ADAMTSL2: variants seen among roughly 807,000 people sequenced by gnomAD.
The protein encoded by ADAMTSL2 is ADAMTS-like protein 2.
ADAMTSL2 carries 55 observed loss-of-function variants against 117.0 expected under a neutral mutation model. That is an observed-to-expected ratio of 0.47 (90% CI 0.38 to 0.59). ADAMTSL2 has a LOEUF of 0.59. ADAMTSL2 is among the 20% of genes least tolerant of loss of function. The pLI is 0.00. For synonymous variants in ADAMTSL2, 572 were observed against 566.4 expected (o/e 1.01, Z -0.14); for missense variants, 1,182 against 1,354.5 (o/e 0.87, Z 2.00).
chr9:133,558,170 A>G lies in ADAMTSL2; in HGVS notation c.1649+2240A>G, dbSNP rs1432011012. ...TGTCAGGGGCCTCAAGGGTCGATCA[A>G]CTAGGCTGTCAGCACTCAGAAAGGC... On this transcript the variant is annotated intron_variant, in intron 11 of 18. Coordinates refer to ENST00000651351, the MANE Select transcript of ADAMTSL2 (RefSeq NM_014694.4). This position sits in a 1 kb window ranked among gnomAD's most constrained non-coding sequence, Gnocchi z 4.3. Among the ~76,000 whole-genome samples the G allele has an allele frequency of 1.3e-5, 2 of 152,310 alleles. No individual in the cohort carries two copies. The highest frequency in any genetic ancestry group is 1.9e-4 in the East Asian group (1 of 5,182).
Position 133,568,372 on chromosome 9 carries a change from C to G in ADAMTSL2, c.1974C>G (p.Asp658Glu). The change falls in exon 14 of 19, where the codon GAC becomes GAG. Residue 658 changes from aspartate to glutamate, a missense_variant. Physicochemically the swap from Asp to Glu is conservative, Grantham distance 45. Transcript: ENST00000651351. ...RCWKMLSPGF[D>E]SSVYSDLCEA... ...GGAAGATGCTCTCGCCCGGCTTCGACAGCTCCGTGTACAGCGACCTGTGCG... is the reference window on the plus strand; with the variant it reads ...GGAAGATGCTCTCGCCCGGCTTCGAGAGCTCCGTGTACAGCGACCTGTGCG... 1 of 1,603,660 alleles carries G rather than the reference C, an allele frequency of 6.2e-7. No individual in the cohort carries two copies. The highest frequency in any genetic ancestry group is 8.5e-7 in the Non-Finnish European group (1 of 1,175,922).
intron 9 of ADAMTSL2, among the ~76,000 whole-genome samples, chr9:133,552,169 A>G (rs1315667950): frequency 1.3e-5 from 2 of 152,186 alleles, no homozygotes; most frequent in Admixed American, 6.5e-5. Context: ...AGTTGAACAG[A>G]TATTCTTGGA....
rs1209385149 is a variant in ADAMTSL2 at position 133,556,013 on chromosome 9, T to TG, written c.1649+90dup. Reference sequence around the variant, plus strand: ...GGCCAGGTAGAAAGTGAGGCCCCACTGGGGGGGTCTGGCCAGAAGGGCTGA... The same window carrying TG: ...GGCCAGGTAGAAAGTGAGGCCCCACTGGGGGGGGTCTGGCCAGAAGGGCTGA... On this transcript the variant is annotated intron_variant, in intron 11 of 18. Transcript: ENST00000651351. 100 of 1,535,356 alleles carry TG rather than the reference T, an allele frequency of 6.5e-5. 1 individual carries two copies. The highest frequency in any genetic ancestry group is 6.2e-4 in the South Asian group (53 of 84,974).
At chr9:133,548,896 G>A (rs1830419264) in intron 9 of ADAMTSL2, among the ~76,000 whole-genome samples, 1 of 152,196 alleles carries the variant, frequency 6.6e-6, no homozygotes, top group African/African-American at 2.4e-5. Context: ...CTCTAGAATT[G>A]CATTGGTTTC....
At position 133,539,270 on chromosome 9, in the gene ADAMTSL2, A is replaced by G. The variant is rs141867048; in HGVS notation, c.310-501A>G. Reference sequence around the variant, plus strand: ...TTTGAGCTCTGGCCCCGGCACGACTAAGCTGGGTCCCCTCCGAGGATGAGT... The same window carrying G: ...TTTGAGCTCTGGCCCCGGCACGACTGAGCTGGGTCCCCTCCGAGGATGAGT... On this transcript the variant is annotated intron_variant, in intron 4 of 18. Transcript: ENST00000651351. Among the ~76,000 whole-genome samples, 632 of 152,266 alleles carry G rather than the reference A, an allele frequency of 4.2e-3. 3 individuals are homozygous for G. Among genetic ancestry groups the G allele is most frequent in the Admixed American group, 6.6e-3 (101 of 15,308 alleles).
At chr9:133,572,733 G>T (rs1011464080) in intron 17 of ADAMTSL2, among the ~76,000 whole-genome samples, 1 of 152,198 alleles carries the variant, frequency 6.6e-6, no homozygotes, top group Admixed American at 6.5e-5. Context: ...ACGAGGTGCA[G>T]CTGGCACAGA....
At chr9:133,542,779 G>C (rs3793626) in intron 7 of ADAMTSL2, among the ~76,000 whole-genome samples, 1 of 152,050 alleles carries the variant, frequency 6.6e-6, no homozygotes, top group Non-Finnish European at 1.5e-5. Context: ...CTCTTTCCCC[G>C]GACGAACTGT....
chr9:133,555,493 C>T lies in ADAMTSL2; in HGVS notation c.1277-65C>T. ...TGGCCCCCTCGTCCAGGTCCCCTCC[C>T]CAGGGCAGCCCTTGCCCCCAGGGCT... is the stretch of plus-strand genomic sequence containing the variant. On this transcript the variant is annotated intron_variant, in intron 10 of 18. Coordinates refer to ENST00000651351, the MANE Select transcript of ADAMTSL2 (RefSeq NM_014694.4). 1.9e-6 allele frequency: 3 copies of T among 1,607,414 alleles called. No homozygotes were observed. The South Asian group carries it at 3.3e-5, about 18-fold the overall frequency.
rs1326010965 is a variant in ADAMTSL2 at position 133,558,991 on chromosome 9, C to T, written c.1650-2207C>T. Among the ~76,000 whole-genome samples, 7 of 152,148 alleles carry T rather than the reference C, an allele frequency of 4.6e-5. No homozygotes were observed. Among genetic ancestry groups the T allele is most frequent in the African/African-American group, 1.2e-4 (5 of 41,418 alleles). On this transcript the variant is annotated intron_variant, in intron 11 of 18. Transcript: ENST00000651351. This position sits in a 1 kb window ranked among gnomAD's most constrained non-coding sequence, Gnocchi z 4.3. Reference sequence around the variant, plus strand: ...CCAAAGGGTTATTTTGAACCGGGCCCGCTCTCTCTTGAGTCAGGCATGAGT... The same window carrying T: ...CCAAAGGGTTATTTTGAACCGGGCCTGCTCTCTCTTGAGTCAGGCATGAGT...
rs1244739655 is a variant in ADAMTSL2, at chr9:133,557,021, A to G, written c.1649+1091A>G. Among the ~76,000 whole-genome samples the G allele has an allele frequency of 1.3e-5, 2 of 152,080 alleles. No individual in the cohort carries two copies. The highest frequency in any genetic ancestry group is 6.5e-5 in the Admixed American group (1 of 15,272). On this transcript the variant is annotated intron_variant, in intron 11 of 18. Coordinates refer to ENST00000651351, the MANE Select transcript of ADAMTSL2 (RefSeq NM_014694.4). This position sits in a 1 kb window ranked among gnomAD's most constrained non-coding sequence, Gnocchi z 5.2. ...GTTTGGTTTTGTTTTCTGAGGTCCAACCCAAGCCCTTTGACTTTAGACGCA... is the reference window on the plus strand; with the variant it reads ...GTTTGGTTTTGTTTTCTGAGGTCCAGCCCAAGCCCTTTGACTTTAGACGCA...
chr9:133,552,223 T>TA (rs1039293819), intron 9 of ADAMTSL2, among the ~76,000 whole-genome samples: 5 of 152,104 alleles, frequency 3.3e-5, no homozygotes, highest in African/African-American at 1.2e-4. Flanking sequence ...TGGTGGAGGG[T>TA]ATGAGATGCT....
At chr9:133,565,704 T>G (rs1179920457) in intron 12 of ADAMTSL2, among the ~76,000 whole-genome samples, 2 of 152,212 alleles carry the variant, frequency 1.3e-5, no homozygotes, top group African/African-American at 4.8e-5. Context: ...GCCGCTGGCC[T>G]GCAGACACAC....
intron 4 of ADAMTSL2, 120 bp from the exon 5 acceptor site, chr9:133,539,651 G>GCACGGCTGTCCCGGCTGTCCCGGCTGT (rs1564493342): frequency 3.2e-4 from 27 of 84,946 alleles, no homozygotes; most frequent in Non-Finnish European, 5.8e-4. Flanking sequence ...CGTGGCCCCC[G>GCACGGCTGTCCCGGCTGTCCCGGCTGT]CACGGCTGTC....
intron 8 of ADAMTSL2, among the ~76,000 whole-genome samples, chr9:133,545,546 G>C (rs1410631199): frequency 6.6e-6 from 1 of 152,246 alleles, no homozygotes; most frequent in East Asian, 1.9e-4. Context: ...GGTCTGTGCT[G>C]CAGATGCTGG....
chr9:133,541,062 G>A (rs1371629299), intron 7 of ADAMTSL2, 61 bp downstream of exon 7: 3 of 1,571,534 alleles, frequency 1.9e-6, no homozygotes, highest in Non-Finnish European at 2.6e-6. Context: ...GGGGTCCTGA[G>A]TGTGCTCCTG....
intron 9 of ADAMTSL2, among the ~76,000 whole-genome samples, chr9:133,549,403 A>G (rs889882253): frequency 3.9e-5 from 6 of 152,092 alleles, no homozygotes; most frequent in Admixed American, 3.3e-4. Flanking sequence ...CCTGGTCTCC[A>G]TGACCATCTC....
chr9:133,572,402 G>A (rs1445913057), intron 17 of ADAMTSL2, among the ~76,000 whole-genome samples: 4 of 152,130 alleles, frequency 2.6e-5, no homozygotes, highest in Non-Finnish European at 4.4e-5. Context: ...GAGAGACCAC[G>A]GCGTGCCGGG....
Position 133,557,304 on chromosome 9 carries a change from G to C in ADAMTSL2, c.1649+1374G>C, listed in dbSNP as rs1830624286. 6.6e-6 allele frequency among the ~76,000 whole-genome samples: 1 copy of C among 152,204 alleles called. No homozygotes were observed. Among genetic ancestry groups the C allele is most frequent in the Non-Finnish European group, 1.5e-5 (1 of 68,034 alleles). On this transcript the variant is annotated intron_variant, in intron 11 of 18. Transcript: ENST00000651351. The surrounding 1 kb of genome is among the most constrained non-coding windows in gnomAD (Gnocchi z 5.2). ...TGCCTGGGGCTGCGGGGTGCAGGGA[G>C]GATGTCCTGAGCACTTCTGGCAGGC...
At position 133,569,547 on chromosome 9, in the gene ADAMTSL2, C is replaced by T; in HGVS notation, c.2384C>T (p.Pro795Leu). 6.3e-7 allele frequency: 1 copy of T among 1,593,752 alleles called. No individual in the cohort carries two copies. The highest frequency in any genetic ancestry group is 1.7e-4 in the Middle Eastern group (1 of 6,040). ...CACCCCTGTGGGGACAAAAACTGTC[C>T]CGCCCACTGGCTGGCCCAGGACTGG... ...AIHPCGDKNC[P>L]AHWLAQDWER... The change falls in exon 16 of 19, where the codon CCC (proline) becomes CTC (leucine). Residue 795 changes from proline to leucine, a missense_variant. Physicochemically the swap from Pro to Leu is moderately conservative, Grantham distance 98. Coordinates refer to ENST00000651351, the MANE Select transcript of ADAMTSL2 (RefSeq NM_014694.4).
Sources: allele counts gnomAD v4.1 joint callset (sites outside exome capture counted in the v4.1 genomes callset), GRCh38; gene constraint gnomAD v4.1.1; non-coding constraint Gnocchi (gnomAD v3.1); transcripts MANE v1.5; gene names NCBI Gene and HGNC (gene_info 2026-07-23, HGNC 2026-07-21).